The following NKAIN3 variants were observed in gnomAD, a reference collection of about 807,000 sequenced individuals.
NKAIN3 encodes the protein sodium/potassium transporting ATPase interacting 3.
NKAIN3 carries 25 observed loss-of-function variants against 30.2 expected under a neutral mutation model. The observed-to-expected ratio is 0.83, with a 90% CI of 0.60 to 1.16. The LOEUF (loss-of-function observed/expected upper bound fraction) is 1.16. NKAIN3 is among the 50% of genes most tolerant of loss of function. NKAIN3 has a pLI of 0.00. For missense variants in NKAIN3, 225 were observed against 254.1 expected (o/e 0.89, Z 0.78); for synonymous variants, 91 against 89.6 (o/e 1.02, Z -0.09).
At chr8:62,559,946 T>C (rs1043064959) in intron 1 of NKAIN3, among the ~76,000 whole-genome samples, 2 of 152,120 alleles carry the variant, frequency 1.3e-5, no homozygotes, top group African/African-American at 4.8e-5. Context: ...AGGGTAAGTC[T>C]GCTGGCAACA....
intron 1 of NKAIN3, among the ~76,000 whole-genome samples, chr8:62,301,124 A>C (rs1383336658): frequency 6.6e-6 from 1 of 152,118 alleles, no homozygotes; most frequent in African/African-American, 2.4e-5. Context: ...AGTCGAATTC[A>C]TAAGTTTAAT....
intron 1 of NKAIN3, among the ~76,000 whole-genome samples, chr8:62,356,659 T>C (rs1354315297): frequency 6.6e-6 from 1 of 152,186 alleles, no homozygotes; most frequent in Non-Finnish European, 1.5e-5. Context: ...TATGATCACC[T>C]GAGAGCCTCT....
chr8:62,473,319 A>T (rs1332310010), intron 1 of NKAIN3: 3 of 152,192 alleles, frequency 2.0e-5, no homozygotes, highest in Non-Finnish European at 4.4e-5. Context: ...TTACACGATC[A>T]TTTATCATTT....
At chr8:62,783,618 T>TTTG (rs1391647249) in intron 4 of NKAIN3, among the ~76,000 whole-genome samples, 2 of 149,450 alleles carry the variant, frequency 1.3e-5, no homozygotes, top group Non-Finnish European at 3.0e-5. Context: ...TTTTTTTTTT[T>TTTG]TTTTTTTGAG....
chr8:62,724,729 G>GA (rs890420164), intron 3 of NKAIN3, among the ~76,000 whole-genome samples: 1 of 152,022 alleles, frequency 6.6e-6, no homozygotes, highest in Non-Finnish European at 1.5e-5. Flanking sequence ...TGTTATGGCT[G>GA]AATAGTTCTC....
intron 1 of NKAIN3, among the ~76,000 whole-genome samples, chr8:62,457,119 A>G (rs1013078222): frequency 6.6e-6 from 1 of 152,216 alleles, no homozygotes; most frequent in Non-Finnish European, 1.5e-5. Context: ...TAAAATAATG[A>G]AAGTTAGGGA....
chr8:62,900,962 C>T (rs895816761), intron 4 of NKAIN3, among the ~76,000 whole-genome samples: 1 of 152,074 alleles, frequency 6.6e-6, no homozygotes, highest in African/African-American at 2.4e-5. Context: ...CAAGAGTGGC[C>T]TCATGTTGAT....
chr8:62,800,831 G>C (rs1436700556), intron 4 of NKAIN3, among the ~76,000 whole-genome samples: 1 of 152,236 alleles, frequency 6.6e-6, no homozygotes, highest in Non-Finnish European at 1.5e-5. Flanking sequence ...CACTCGGGAA[G>C]TGCAAGGGGT....
intron 1 of NKAIN3, among the ~76,000 whole-genome samples, chr8:62,486,872 A>C (rs555284948): frequency 6.6e-6 from 1 of 152,310 alleles, no homozygotes; most frequent in East Asian, 1.9e-4. Flanking sequence ...TGGCATTTAA[A>C]ATATGGTTGA....
rs551360228 is a variant in NKAIN3 at position 62,759,248 on chromosome 8, A to G, written c.471+12119A>G. 3.6e-3 allele frequency among the ~76,000 whole-genome samples: 542 copies of G among 152,314 alleles called. 4 individuals carry two copies. The highest frequency in any genetic ancestry group is 0.012 in the African/African-American group (518 of 41,580). On this transcript the variant is annotated intron_variant, in intron 4 of 6. Coordinates refer to ENST00000623646, the MANE Select transcript of NKAIN3 (RefSeq NM_001304533.3). ...AACCTTCATGGATGGGTTGTTCTGG[A>G]GATCTAAATAAAGGATTAGTCTTGA...
intron 4 of NKAIN3, among the ~76,000 whole-genome samples, chr8:62,796,917 T>C (rs1369637167): frequency 6.6e-6 from 1 of 152,188 alleles, no homozygotes; most frequent in African/African-American, 2.4e-5. Flanking sequence ...TACATGCTGG[T>C]TCTCCTGAAA....
At chr8:62,771,237 G>A (rs1339668535) in intron 4 of NKAIN3, among the ~76,000 whole-genome samples, 2 of 151,936 alleles carry the variant, frequency 1.3e-5, no homozygotes, top group African/African-American at 2.4e-5. Flanking sequence ...AGACCAAACA[G>A]GGCAAGATAG....
At chr8:62,713,163 T>C (rs554378860) in intron 3 of NKAIN3, among the ~76,000 whole-genome samples, 1 of 152,232 alleles carries the variant, frequency 6.6e-6, no homozygotes, top group East Asian at 1.9e-4. Context: ...GAGGTCTGAG[T>C]AAGGAGCAGG....
chr8:62,984,518 A>G lies in NKAIN3; in HGVS notation c.*19111A>G, dbSNP rs146663841. ...ATATTTTGTACTGATATGAATTTCT[A>G]CTGTCCCATAACACTGTGTAGTGAC... On this transcript the variant is annotated 3_prime_UTR_variant, in exon 7 of 7. Coordinates refer to ENST00000623646, the MANE Select transcript of NKAIN3 (RefSeq NM_001304533.3). 8 of 152,314 alleles carry G rather than the reference A, an allele frequency of 5.3e-5. No homozygotes were observed. The East Asian group carries it at 1.5e-3, about 29-fold the overall frequency. The allele number at this position is 152,314 out of a possible 1,614,324, so 9.4% of individuals were successfully genotyped here. A position where few individuals can be genotyped will look rare whatever the true frequency, so the allele number is the denominator to read the frequency against.
At chr8:62,872,567 A>C (rs1820677345) in intron 4 of NKAIN3, among the ~76,000 whole-genome samples, 1 of 152,186 alleles carries the variant, frequency 6.6e-6, no homozygotes, top group African/African-American at 2.4e-5. Context: ...TCTAGAACTC[A>C]CTTCAGTTTT....
At position 62,870,017 on chromosome 8, in the gene NKAIN3, G is replaced by A. The variant is rs914244484; in HGVS notation, c.472-48436G>A. ...GATCTCCTGACCTCGTGATCCACCCGCGTCGGCCTCCCAAAGTGCTTGGAT... is the reference window on the plus strand; with the variant it reads ...GATCTCCTGACCTCGTGATCCACCCACGTCGGCCTCCCAAAGTGCTTGGAT... On this transcript the variant is annotated intron_variant, in intron 4 of 6. Transcript: ENST00000623646. Among the ~76,000 whole-genome samples, 152 of 151,256 alleles carry A rather than the reference G, an allele frequency of 1.0e-3. 1 individual carries two copies. Among genetic ancestry groups the A allele is most frequent in the African/African-American group, 3.4e-3 (140 of 41,246 alleles).
At chr8:62,280,261 A>G (rs1442628519) in intron 1 of NKAIN3, among the ~76,000 whole-genome samples, 1 of 152,210 alleles carries the variant, frequency 6.6e-6, no homozygotes, top group Non-Finnish European at 1.5e-5. Flanking sequence ...TTATCAGCTT[A>G]AGGAGATTTT....
At chr8:62,565,879 T>C (rs1421439967) in intron 1 of NKAIN3, among the ~76,000 whole-genome samples, 9 of 152,104 alleles carry the variant, frequency 5.9e-5, no homozygotes, top group Non-Finnish European at 1.3e-4. Flanking sequence ...TAAGACAAAG[T>C]TTATTTTATA....
intron 1 of NKAIN3, among the ~76,000 whole-genome samples, chr8:62,441,754 T>C (rs932304877): frequency 2.6e-5 from 4 of 151,988 alleles, no homozygotes; most frequent in Non-Finnish European, 5.9e-5. Context: ...TCTAGGATCT[T>C]TAGTACAATA....
Sources: allele counts gnomAD v4.1 joint callset (sites outside exome capture counted in the v4.1 genomes callset), GRCh38; gene constraint gnomAD v4.1.1; transcripts MANE v1.5; gene names NCBI Gene and HGNC (gene_info 2026-07-23, HGNC 2026-07-21).